HTR2A: variants seen among roughly 807,000 people sequenced by gnomAD.
HTR2A encodes the protein 5-hydroxytryptamine receptor 2A.
Under a neutral mutation model 31.0 loss-of-function variants are expected in HTR2A, and 14 were observed. The observed-to-expected ratio is 0.45, with a 90% CI of 0.30 to 0.71. The LOEUF is 0.71. Ranked by LOEUF, HTR2A falls within the 30% of genes least tolerant of loss-of-function variation. The pLI is 0.09. For missense variants in HTR2A, 442 were observed against 573.3 expected, an observed-to-expected ratio of 0.77 and a Z score of 2.34; for synonymous variants, 209 against 225.2, an observed-to-expected ratio of 0.93 and a Z score of 0.64.
chr13:46,864,840 G>C (rs1216310405), intron 3 of HTR2A, among the ~76,000 whole-genome samples: 1 of 152,120 alleles, frequency 6.6e-6, no homozygotes, highest in African/African-American at 2.4e-5. Flanking sequence ...AGTGAGATTC[G>C]TCTTTGCAAT....
At chr13:46,862,067 A>G (rs1173550754) in intron 3 of HTR2A, among the ~76,000 whole-genome samples, 1 of 152,176 alleles carries the variant, frequency 6.6e-6, no homozygotes, top group Non-Finnish European at 1.5e-5. Flanking sequence ...TTCTTACATA[A>G]CAAATTAGCT....
intron 3 of HTR2A, among the ~76,000 whole-genome samples, chr13:46,879,934 G>C (rs1281837292): frequency 6.6e-6 from 1 of 152,174 alleles, no homozygotes; most frequent in Non-Finnish European, 1.5e-5. Context: ...GAGCATGGGA[G>C]GCTGAGGCTG....
At chr13:46,880,261 A>T (rs1020746049) in intron 3 of HTR2A, among the ~76,000 whole-genome samples, 3 of 152,154 alleles carry the variant, frequency 2.0e-5, no homozygotes, top group Non-Finnish European at 4.4e-5. Context: ...ACTGATCAGA[A>T]GATCCACCTT....
Position 46,892,409 on chromosome 13 carries a change from AGCAAT to A in HTR2A, c.589_593del (p.Ile197CysfsTer25). 6.2e-7 allele frequency: 1 copy of A among 1,614,240 alleles called. No homozygotes were observed. Among genetic ancestry groups the A allele is most frequent in the Non-Finnish European group, 8.5e-7 (1 of 1,180,030 alleles). ...ACTTACCTACTGATATGGTCCAAAC[AGCAAT>A]GATTTTCAGAAATGCCTTAGTTCTG... On this transcript the variant is annotated frameshift_variant, in exon 3 of 4. Coordinates refer to ENST00000542664, the MANE Select transcript of HTR2A (RefSeq NM_000621.5). LOFTEE classifies it high-confidence loss of function.
Position 46,884,440 on chromosome 13 carries a change from G to A in HTR2A, c.613+7950C>T, listed in dbSNP as rs560031846. Among the ~76,000 whole-genome samples, 46 of 152,222 alleles carry A rather than the reference G, an allele frequency of 3.0e-4. 1 individual carries two copies. In the South Asian group the frequency reaches 6.9e-3, roughly 23 times the overall value. On this transcript the variant is annotated intron_variant, in intron 3 of 3. Coordinates refer to ENST00000542664, the MANE Select transcript of HTR2A (RefSeq NM_000621.5). Reference sequence around the variant, plus strand: ...ATATCTAAACAAATCCAAGGTGGGCGGATCACGAGGTCAGGACATCAAGAC... The same window carrying A: ...ATATCTAAACAAATCCAAGGTGGGCAGATCACGAGGTCAGGACATCAAGAC...
chr13:46,872,208 A>G lies in HTR2A; in HGVS notation c.613+20182T>C, dbSNP rs536317666. Among the ~76,000 whole-genome samples, 9 of 152,358 alleles carry G rather than the reference A, an allele frequency of 5.9e-5. No individual in the cohort carries two copies. The South Asian group carries it at 1.9e-3, about 32-fold the overall frequency. On this transcript the variant is annotated intron_variant, in intron 3 of 3. Coordinates refer to ENST00000542664, the MANE Select transcript of HTR2A (RefSeq NM_000621.5). ...TTAAGGAAATCAGAATTGGTTATCA[A>G]TGGCCAGTTCTAGCACTTATTAAGC... is the stretch of plus-strand genomic sequence containing the variant.
At position 46,895,219 on chromosome 13, in the gene HTR2A, T is replaced by C; in HGVS notation, c.412+276A>G. On this transcript the variant is annotated intron_variant, in intron 2 of 3. Coordinates refer to ENST00000542664, the MANE Select transcript of HTR2A (RefSeq NM_000621.5). This position sits in a 1 kb window ranked among gnomAD's most constrained non-coding sequence, Gnocchi z 4.4. ...AAAATTTCTACATTAAATGTACATG[T>C]TTTGAAGCACAAAACTCTCCAATGA... is the stretch of plus-strand genomic sequence containing the variant. 2.9e-6 allele frequency: 1 copy of C among 340,194 alleles called. No homozygotes were observed. Among genetic ancestry groups the C allele is most frequent in the Non-Finnish European group, 5.4e-6 (1 of 186,444 alleles). The allele number at this position is 340,194 out of a possible 1,614,324, so 21.1% of individuals were successfully genotyped here. A position where few individuals can be genotyped will look rare whatever the true frequency, so the allele number is the denominator to read the frequency against.
chr13:46,896,857 A>G lies in HTR2A; in HGVS notation c.-512T>C. 1 of 1,535,752 alleles carries G rather than the reference A, an allele frequency of 6.5e-7. No homozygotes were observed. The highest frequency in any genetic ancestry group is 8.7e-7 in the Non-Finnish European group (1 of 1,146,200). On this transcript the variant is annotated 5_prime_UTR_variant, in exon 1 of 4. Coordinates refer to ENST00000542664, the MANE Select transcript of HTR2A (RefSeq NM_000621.5). ...ATGCAAGAGCTGAGCCAGCTCCCGC[A>G]CTGCTAGGATCCTGTTGGCTTCCTC...
At position 46,880,505 on chromosome 13, in the gene HTR2A, T is replaced by C. The variant is rs111812107; in HGVS notation, c.613+11885A>G. 2.3e-4 allele frequency among the ~76,000 whole-genome samples: 35 copies of C among 152,276 alleles called. 1 individual carries two copies. Among genetic ancestry groups the C allele is most frequent in the African/African-American group, 7.7e-4 (32 of 41,554 alleles). On this transcript the variant is annotated intron_variant, in intron 3 of 3. Transcript: ENST00000542664. ...TTTAGCAAAAGAATAAAGAAATTCA[T>C]AGTCCATAAGCCAGGCCAAATCAAC...
In HTR2A at chr13:46,832,933, T is replaced by C. The variant is rs892968970; in HGVS notation, c.*1904A>G. On this transcript the variant is annotated 3_prime_UTR_variant, in exon 4 of 4. Coordinates refer to ENST00000542664, the MANE Select transcript of HTR2A (RefSeq NM_000621.5). Reference sequence around the variant, plus strand: ...ACATGCAATTTAACCTTGAGTGTTATAATATCAAGGTGGATTAACTGTTGT... The same window carrying C: ...ACATGCAATTTAACCTTGAGTGTTACAATATCAAGGTGGATTAACTGTTGT... 9 of 152,234 alleles carry C rather than the reference T, an allele frequency of 5.9e-5. No individual in the cohort carries two copies. The highest frequency in any genetic ancestry group is 2.6e-4 in the Admixed American group (4 of 15,286). The allele number at this position is 152,234 out of a possible 1,614,324, so 9.4% of individuals were successfully genotyped here.
At chr13:46,852,590 A>G (rs1281150091) in intron 3 of HTR2A, among the ~76,000 whole-genome samples, 2 of 152,208 alleles carry the variant, frequency 1.3e-5, no homozygotes, top group African/African-American at 4.8e-5. Flanking sequence ...GATTAAGATA[A>G]TTGTTCTATG....
chr13:46,858,495 T>C (rs956501026), intron 3 of HTR2A, among the ~76,000 whole-genome samples: 1 of 152,226 alleles, frequency 6.6e-6, no homozygotes, highest in Non-Finnish European at 1.5e-5. Flanking sequence ...TTGCCTGTCA[T>C]GTTTTATGCC....
Position 46,832,209 on chromosome 13 carries a change from G to A in HTR2A, c.*2628C>T, listed in dbSNP as rs1876269753. ...TTGTTACACTTTAATCTGCTTTGCA[G>A]CAATGGAAGGTCATAGAAATATTAG... On this transcript the variant is annotated 3_prime_UTR_variant, in exon 4 of 4. Coordinates refer to ENST00000542664, the MANE Select transcript of HTR2A (RefSeq NM_000621.5). 6.6e-6 allele frequency: 1 copy of A among 152,242 alleles called. No homozygotes were observed. The highest frequency in any genetic ancestry group is 6.5e-5 in the Admixed American group (1 of 15,284). 9.4% of individuals were successfully genotyped at this position (152,242 alleles called of 1,614,324 possible).
chr13:46,839,447 A>G (rs1401496514), intron 3 of HTR2A, among the ~76,000 whole-genome samples: 3 of 152,192 alleles, frequency 2.0e-5, no homozygotes, highest in Admixed American at 6.5e-5. Flanking sequence ...AGATGAAGAC[A>G]TGGGCTGATA....
At chr13:46,853,481 C>T (rs1314062918) in intron 3 of HTR2A, among the ~76,000 whole-genome samples, 1 of 152,188 alleles carries the variant, frequency 6.6e-6, no homozygotes, top group Non-Finnish European at 1.5e-5. Flanking sequence ...GCCTTAAATA[C>T]TGATAGTGAA....
intron 3 of HTR2A, among the ~76,000 whole-genome samples, chr13:46,839,666 G>C (rs1441608913): frequency 1.3e-5 from 2 of 152,148 alleles, no homozygotes; most frequent in Non-Finnish European, 2.9e-5. Flanking sequence ...GAAAACAGCA[G>C]TCAAAATTCA....
chr13:46,894,373 C>T (rs916342224), intron 2 of HTR2A, among the ~76,000 whole-genome samples: 1 of 152,142 alleles, frequency 6.6e-6, no homozygotes, highest in Non-Finnish European at 1.5e-5. Flanking sequence ...GTTTGGGAAG[C>T]GAGAATCTTC....
At chr13:46,865,750 A>T (rs985361685) in intron 3 of HTR2A, among the ~76,000 whole-genome samples, 3 of 152,250 alleles carry the variant, frequency 2.0e-5, no homozygotes, top group Non-Finnish European at 4.4e-5. Flanking sequence ...ACTCTATTGG[A>T]CAACACAGAA....
intron 3 of HTR2A, among the ~76,000 whole-genome samples, chr13:46,865,441 G>GT (rs1566310542): frequency 1.6e-4 from 24 of 152,060 alleles, no homozygotes; most frequent in African/African-American, 5.8e-4. Flanking sequence ...CAACAGAAAA[G>GT]AATATAAGAG....
Sources: allele counts gnomAD v4.1 joint callset (sites outside exome capture counted in the v4.1 genomes callset), GRCh38; gene constraint gnomAD v4.1.1; non-coding constraint Gnocchi (gnomAD v3.1); transcripts MANE v1.5; gene names NCBI Gene and HGNC (gene_info 2026-07-23, HGNC 2026-07-21).